Variants in TMC1 observed in about 807,000 individuals in gnomAD.
The protein encoded by TMC1 is transmembrane channel-like protein 1.
A neutral mutation model predicts 105.8 loss-of-function variants in TMC1; 84 were observed. The ratio of observed to expected loss-of-function variants is 0.79; its 90% confidence interval spans 0.67 to 0.95. The LOEUF (loss-of-function observed/expected upper bound fraction) is 0.95, where lower values mean the gene tolerates loss of function less well. Ranked by LOEUF, TMC1 falls within the 40% of genes least tolerant of loss-of-function variation. The probability of loss-of-function intolerance (pLI) is 0.00; values close to 1 mark genes in which losing one functional copy is unlikely to be tolerated. For synonymous variants in TMC1, 315 were observed against 311.5 expected, an observed-to-expected ratio of 1.01 and a Z score of -0.12; for missense variants, 817 against 914.1, an observed-to-expected ratio of 0.89 and a Z score of 1.37.
chr9:72,712,300 G>T (rs1367427459), intron 8 of TMC1, among the ~76,000 whole-genome samples: 2 of 152,060 alleles, frequency 1.3e-5, no homozygotes, highest in African/African-American at 4.8e-5. Flanking sequence ...TTTCAAGTCT[G>T]TGAAGAAAGT....
At chr9:72,534,170 A>G (rs1019819121) in intron 1 of TMC1, among the ~76,000 whole-genome samples, 2 of 152,190 alleles carry the variant, frequency 1.3e-5, no homozygotes, top group African/African-American at 4.8e-5. Context: ...AACAATAAAA[A>G]TAAATAAAGA....
At chr9:72,710,619 C>A (rs1163640836) in intron 8 of TMC1, among the ~76,000 whole-genome samples, 1 of 152,036 alleles carries the variant, frequency 6.6e-6, no homozygotes, top group East Asian at 1.9e-4. Context: ...TTTTTAACTG[C>A]TGTTGCTTTA....
intron 4 of TMC1, among the ~76,000 whole-genome samples, chr9:72,637,942 G>A (rs1825561674): frequency 6.6e-6 from 1 of 152,180 alleles, no homozygotes. Flanking sequence ...TGGTGGCCTA[G>A]TACATTTTAA....
intron 2 of TMC1, among the ~76,000 whole-genome samples, chr9:72,590,439 G>T (rs901200222): frequency 6.6e-6 from 1 of 152,172 alleles, no homozygotes; most frequent in Non-Finnish European, 1.5e-5. Context: ...CAAGCTTCAT[G>T]GTTATGATCT....
chr9:72,569,202 A>G (rs1824224253), intron 1 of TMC1, among the ~76,000 whole-genome samples: 1 of 152,194 alleles, frequency 6.6e-6, no homozygotes, highest in South Asian at 2.1e-4. Context: ...TATAATACCT[A>G]ATACAATGTA....
intron 12 of TMC1, among the ~76,000 whole-genome samples, chr9:72,758,335 A>G (rs1827703494): frequency 1.3e-5 from 2 of 152,204 alleles, no homozygotes; most frequent in South Asian, 2.1e-4. Context: ...AAGTACATCA[A>G]TAAGAGAGAG....
At chr9:72,741,222 G>T (rs1827384814) in intron 9 of TMC1, 2 of 176,026 alleles carry the variant, frequency 1.1e-5, no homozygotes, top group Non-Finnish European at 2.4e-5. Flanking sequence ...AAAATGGCTG[G>T]CCACAAAATC....
intron 8 of TMC1, among the ~76,000 whole-genome samples, chr9:72,723,904 T>C (rs575827726): frequency 6.6e-6 from 1 of 152,350 alleles, no homozygotes; most frequent in Admixed American, 6.5e-5. Flanking sequence ...AGTGGCTCAC[T>C]GAGCTACTGT....
At chr9:72,559,814 G>C (rs1007962130) in intron 1 of TMC1, among the ~76,000 whole-genome samples, 2 of 152,126 alleles carry the variant, frequency 1.3e-5, no homozygotes, top group Non-Finnish European at 2.9e-5. Flanking sequence ...ACAAAAAAAT[G>C]GCTAAAGAAA....
rs143103721 is a variant in TMC1 at position 72,625,395 on chromosome 9, G to T, written c.-195-2526G>T. On this transcript the variant is annotated intron_variant, in intron 3 of 23. Coordinates refer to ENST00000297784, the MANE Select transcript of TMC1 (RefSeq NM_138691.3). Reference sequence around the variant, plus strand: ...TTGGGTGATTTGGGGGAAGGTTTAAGGAATCAGGGGTGGCCAGGCACGGTG... The same window carrying T: ...TTGGGTGATTTGGGGGAAGGTTTAATGAATCAGGGGTGGCCAGGCACGGTG... Among the ~76,000 whole-genome samples, 168 of 152,150 alleles carry T rather than the reference G, an allele frequency of 1.1e-3. 1 individual carries two copies. The highest frequency in any genetic ancestry group is 3.8e-3 in the African/African-American group (157 of 41,518).
rs2793172 is a variant in TMC1 at position 72,742,744 on chromosome 9, G to A, written c.535+219G>A. 0.23 allele frequency among the ~76,000 whole-genome samples: 34,784 copies of A among 151,900 alleles called. 4,256 individuals carry two copies. Among genetic ancestry groups the A allele is most frequent in the East Asian group, 0.38 (1,968 of 5,136 alleles). On this transcript the variant is annotated intron_variant, in intron 10 of 23. Transcript: ENST00000297784. ...GGACAATACTGGGGACCCCACTCTC[G>A]TGTTCTACCTTAGTCCAAAACATTA...
intron 17 of TMC1, chr9:72,805,129 C>A (rs532585171): frequency 5.5e-6 from 2 of 366,212 alleles, no homozygotes; most frequent in Non-Finnish European, 1.0e-5. Flanking sequence ...TTTTGGCTCT[C>A]GTATCATGTT....
rs1009152059 is a variant in TMC1, at chr9:72,573,482, C to T, written c.-427-4420C>T. 3.3e-5 allele frequency among the ~76,000 whole-genome samples: 5 copies of T among 152,280 alleles called. No homozygotes were observed. In the South Asian group the frequency reaches 6.2e-4, roughly 19 times the overall value. The stretch of plus-strand genomic sequence containing the variant: ...GCTGTGCCAGCATTTCTACCTACCA[C>T]GATGACCTGGAATGAAGGACAAAAG... On this transcript the variant is annotated intron_variant, in intron 1 of 23. Transcript: ENST00000297784.
chr9:72,677,842 G>A (rs778081917), intron 5 of TMC1, among the ~76,000 whole-genome samples: 5 of 152,106 alleles, frequency 3.3e-5, no homozygotes, highest in African/African-American at 9.7e-5. Flanking sequence ...TTGAGCATCT[G>A]CCGTGTTAAC....
At chr9:72,708,247 C>T (rs949038935) in intron 8 of TMC1, among the ~76,000 whole-genome samples, 2 of 152,048 alleles carry the variant, frequency 1.3e-5, no homozygotes, top group Non-Finnish European at 2.9e-5. Context: ...GGCTATGTGG[C>T]CTCTTTTTTG....
intron 10 of TMC1, among the ~76,000 whole-genome samples, chr9:72,750,524 T>C (rs1021200219): frequency 6.7e-6 from 1 of 148,254 alleles, no homozygotes; most frequent in Admixed American, 6.8e-5. Flanking sequence ...CTTCTTCCAC[T>C]CTCTGCTTTA....
At position 72,693,119 on chromosome 9, in the gene TMC1, C is replaced by CAAAAAA. The variant is rs5898267; in HGVS notation, c.65-1414_65-1409dup. On this transcript the variant is annotated intron_variant, in intron 6 of 23. Coordinates refer to ENST00000297784, the MANE Select transcript of TMC1 (RefSeq NM_138691.3). ...TGGGTGATAGAACAAAATTGTGTCT[C>CAAAAAA]AAAAAAAAAAAAAAAGTGAAGTTAT... Among the ~76,000 whole-genome samples, 17 of 132,618 alleles carry CAAAAAA rather than the reference C, an allele frequency of 1.3e-4. No individual in the cohort carries two copies. The East Asian group carries it at 3.8e-3, about 30-fold the overall frequency. 87.0% of individuals were successfully genotyped at this position (132,618 alleles called of 152,430 possible). A position where few individuals can be genotyped will look rare whatever the true frequency, so the allele number is the denominator to read the frequency against.
chr9:72,809,247 G>A (rs967753365), intron 18 of TMC1, among the ~76,000 whole-genome samples: 1 of 152,154 alleles, frequency 6.6e-6, no homozygotes, highest in Non-Finnish European at 1.5e-5. Context: ...ACATGACCTG[G>A]ATGCATAAAA....
rs1190451585 is a variant in TMC1, at chr9:72,540,979, C to T, written c.-428+19066C>T. The stretch of plus-strand genomic sequence containing the variant: ...CATTAAATCCAATCATCAATACTAC[C>T]CAGCTTTATTAAAACTTCTGACTTT... On this transcript the variant is annotated intron_variant, in intron 1 of 23. Transcript: ENST00000297784. Among the ~76,000 whole-genome samples, 4 of 152,154 alleles carry T rather than the reference C, an allele frequency of 2.6e-5. No homozygotes were observed. In the East Asian group the frequency reaches 7.7e-4, roughly 29 times the overall value.
Sources: allele counts gnomAD v4.1 joint callset (sites outside exome capture counted in the v4.1 genomes callset), GRCh38; gene constraint gnomAD v4.1.1; transcripts MANE v1.5; gene names NCBI Gene and HGNC (gene_info 2026-07-23, HGNC 2026-07-21).